The following PCDHGA8 variants were observed in gnomAD, a reference collection of about 807,000 sequenced individuals.
The protein encoded by PCDHGA8 is protocadherin gamma subfamily A, 8.
A neutral mutation model predicts 59.2 loss-of-function variants in PCDHGA8; 45 were observed. The observed-to-expected ratio is 0.76, with a 90% CI of 0.60 to 0.98. The LOEUF is 0.98. PCDHGA8 is among the 50% of genes least tolerant of loss of function. The pLI is 0.00. For missense variants in PCDHGA8, 1,257 were observed against 1,196.2 expected, an observed-to-expected ratio of 1.05 and a Z score of -0.75; for synonymous variants, 531 against 519.0, an observed-to-expected ratio of 1.02 and a Z score of -0.32.
intron 1 of PCDHGA8, chr5:141,400,672 A>G: frequency 1.1e-6 from 1 of 934,884 alleles, no homozygotes; most frequent in Non-Finnish European, 1.6e-6. Flanking sequence ...TAAGAGGAGC[A>G]GTAAATTGTG....
Position 141,447,048 on chromosome 5 carries a change from A to G in PCDHGA8, c.2425-47759A>G, listed in dbSNP as rs149112101. Among the ~76,000 whole-genome samples, 216 of 152,182 alleles carry G rather than the reference A, an allele frequency of 1.4e-3. 1 individual carries two copies. Among genetic ancestry groups the G allele is most frequent in the African/African-American group, 4.8e-3 (198 of 41,512 alleles). On this transcript the variant is annotated intron_variant, in intron 1 of 3. Transcript: ENST00000398604. ...GTTTTTTTTCTGTGTCTGGAATTCT[A>G]TTAAAATGTGTCAGGCTGTTTTAAT...
intron 1 of PCDHGA8, chr5:141,398,025 A>T (rs1481347884): frequency 1.4e-6 from 2 of 1,445,136 alleles, no homozygotes; most frequent in Non-Finnish European, 1.8e-6. Flanking sequence ...CTAAACTGGA[A>T]CTGGAACTAA....
intron 1 of PCDHGA8, chr5:141,419,448 TC>T: frequency 6.2e-7 from 1 of 1,612,980 alleles, no homozygotes; most frequent in Non-Finnish European, 8.5e-7. Context: ...ACCTTCGAGC[TC>T]ACGCTGCAGG....
chr5:141,394,162 C>T lies in PCDHGA8; in HGVS notation c.1349C>T (p.Pro450Leu). 6.2e-7 allele frequency: 1 copy of T among 1,613,904 alleles called. No individual in the cohort carries two copies. The highest frequency in any genetic ancestry group is 8.5e-7 in the Non-Finnish European group (1 of 1,179,850). The change falls in exon 1 of 4, where the codon CCT becomes CTT. Residue 450 changes from proline to leucine, a missense_variant. Pro to Leu is a moderately conservative substitution (Grantham distance 98). Transcript: ENST00000398604. ...LHVADINDNP[P>L]TFPHASYSAY... The stretch of plus-strand genomic sequence containing the variant: ...GTGGCAGACATTAACGACAACCCTC[C>T]TACTTTCCCTCATGCCTCCTACTCA...
intron 1 of PCDHGA8, chr5:141,419,861 T>G (rs749551833): frequency 6.2e-7 from 1 of 1,614,098 alleles, no homozygotes; most frequent in Non-Finnish European, 8.5e-7. Context: ...CGCAGATAGC[T>G]TGCAAGAGGT....
chr5:141,478,116 C>T (rs145816520), intron 1 of PCDHGA8: 1 of 1,613,974 alleles, frequency 6.2e-7, no homozygotes, highest in Non-Finnish European at 8.5e-7. Flanking sequence ...GTGTCAGTAA[C>T]CGAGGACTCT....
chr5:141,393,222 G>T lies in PCDHGA8; in HGVS notation c.409G>T (p.Asp137Tyr), dbSNP rs950133126. ...NDNNPKFQVE[D>Y]LEVKINEIAV... is the part of the protein sequence containing the mutation. ...TAATAACCCAAAATTCCAGGTCGAA[G>T]ATCTAGAAGTAAAAATTAACGAAAT... Residue 137 changes from aspartate to tyrosine, a missense_variant, in exon 1 of 4, where the codon GAT becomes TAT. Transcript: ENST00000398604. 2 of 1,613,670 alleles carry T rather than the reference G, an allele frequency of 1.2e-6. No individual in the cohort carries two copies. Among genetic ancestry groups the T allele is most frequent in the East Asian group, 2.2e-5 (1 of 44,886 alleles).
intron 1 of PCDHGA8, chr5:141,413,227 G>A (rs552225139): frequency 1.9e-5 from 30 of 1,613,938 alleles, no homozygotes; most frequent in Non-Finnish European, 2.5e-5. Flanking sequence ...CAGCGGGCTG[G>A]TCCTGCTCTG....
At chr5:141,460,010 G>A (rs376180479) in intron 1 of PCDHGA8, among the ~76,000 whole-genome samples, 1 of 152,126 alleles carries the variant, frequency 6.6e-6, no homozygotes, top group Admixed American at 6.5e-5. Context: ...CCCAGGAGGC[G>A]GAGGTTGCAG....
rs1009459106 is a variant in PCDHGA8, at chr5:141,392,688, C to T, written c.-126C>T. ...ACTAACTGCTGGACTGCAGCGAAAC[C>T]CGACCCCTGTTTGGAGGCACTCCAG... is the stretch of plus-strand genomic sequence containing the variant. On this transcript the variant is annotated 5_prime_UTR_variant, in exon 1 of 4. Coordinates refer to ENST00000398604, the MANE Select transcript of PCDHGA8 (RefSeq NM_032088.2). The T allele has an allele frequency of 1.8e-6, 2 of 1,113,934 alleles. No homozygotes were observed. The highest frequency in any genetic ancestry group is 2.5e-6 in the Non-Finnish European group (2 of 812,916). The allele number at this position is 1,113,934 out of a possible 1,614,324, so 69.0% of individuals were successfully genotyped here.
At chr5:141,462,813 TTGG>T (rs1474162732) in intron 1 of PCDHGA8, among the ~76,000 whole-genome samples, 1 of 152,198 alleles carries the variant, frequency 6.6e-6, no homozygotes, top group African/African-American at 2.4e-5. Flanking sequence ...AATGTTTTTA[TTGG>T]ACAGCAGACA....
chr5:141,458,409 G>A (rs188300064), intron 1 of PCDHGA8, among the ~76,000 whole-genome samples: 2 of 152,126 alleles, frequency 1.3e-5, no homozygotes, highest in East Asian at 1.9e-4. Context: ...GAGACGGAGC[G>A]GGGGTTCCAA....
intron 1 of PCDHGA8, chr5:141,415,045 G>C: frequency 6.2e-7 from 1 of 1,613,538 alleles, no homozygotes; most frequent in Non-Finnish European, 8.5e-7. Flanking sequence ...CTTCGCGGTG[G>C]GGGAGCACAC....
At chr5:141,413,333 C>T in intron 1 of PCDHGA8, 1 of 1,613,966 alleles carries the variant, frequency 6.2e-7, no homozygotes, top group Non-Finnish European at 8.5e-7. Context: ...GGCAACATCT[C>T]CAAGGACTTG....
chr5:141,400,081 G>A lies in PCDHGA8; in HGVS notation c.2424+4844G>A, dbSNP rs763547099. 3.7e-6 allele frequency: 6 copies of A among 1,613,902 alleles called. No homozygotes were observed. The highest frequency in any genetic ancestry group is 3.3e-5 in the Admixed American group (2 of 60,010). On this transcript the variant is annotated intron_variant, in intron 1 of 3. Transcript: ENST00000398604. ...TGATGGTGGACAGCCGCCACTCTCC[G>A]CCACCGCCACGCTGCACTTGGTCTT...
chr5:141,438,591 CATATATATATATATAT>C (rs946798767), intron 1 of PCDHGA8, among the ~76,000 whole-genome samples: 4 of 75,562 alleles, frequency 5.3e-5, no homozygotes, highest in East Asian at 3.5e-4. Context: ...TACATACATA[CATATATATATATATAT>C]ATATATATAT....
intron 1 of PCDHGA8, chr5:141,403,323 C>G: frequency 6.2e-7 from 1 of 1,613,958 alleles, no homozygotes; most frequent in Non-Finnish European, 8.5e-7. Flanking sequence ...ATAGAAGTAA[C>G]TGATATTAAC....
chr5:141,425,943 C>A (rs2096904576), intron 1 of PCDHGA8, among the ~76,000 whole-genome samples: 1 of 152,220 alleles, frequency 6.6e-6, no homozygotes, highest in Non-Finnish European at 1.5e-5. Flanking sequence ...TGTCTAGTTT[C>A]CTATACATTA....
chr5:141,509,421 A>T (rs939726886), intron 3 of PCDHGA8, among the ~76,000 whole-genome samples: 5 of 152,088 alleles, frequency 3.3e-5, no homozygotes, highest in Non-Finnish European at 1.5e-5. Context: ...AGCCCCAATG[A>T]GTCAAACTCT....
Sources: allele counts gnomAD v4.1 joint callset (sites outside exome capture counted in the v4.1 genomes callset), GRCh38; gene constraint gnomAD v4.1.1; transcripts MANE v1.5; gene names NCBI Gene and HGNC (gene_info 2026-07-23, HGNC 2026-07-21).